TNS2: variants seen among roughly 807,000 people sequenced by gnomAD.
TNS2 encodes the protein tensin 2, also known as tensin-2.
In TNS2, 77 loss-of-function variants were observed where a neutral mutation model predicts 155.7. The ratio of observed to expected loss-of-function variants is 0.49; its 90% confidence interval spans 0.41 to 0.60. The LOEUF is 0.60. Ranked by LOEUF, TNS2 falls within the 20% of genes least tolerant of loss-of-function variation. The pLI is 0.00. For missense variants in TNS2, 1,703 were observed against 1,868.8 expected (o/e 0.91, Z 1.64); for synonymous variants, 726 against 763.9 (o/e 0.95, Z 0.82).
chr12:53,058,632 T>A lies in TNS2; in HGVS notation c.1286T>A (p.Ile429Asn). Residue 429 changes from isoleucine (I) to asparagine (N), a missense_variant, in exon 16 of 29, where the codon ATC becomes AAC. Ile to Asn is a moderately radical substitution (Grantham distance 149). Coordinates refer to ENST00000314250, the MANE Select transcript of TNS2 (RefSeq NM_170754.4). ...EFVFSSSPEK[I>N]KGSTPRNDPS... ...GTCTTCTCCTCCAGCCCCGAGAAGA[T>A]CAAAGGTAAGAGCAGGGACATGGGC... 2 of 1,613,742 alleles carry A rather than the reference T, an allele frequency of 1.2e-6. No individual in the cohort carries two copies. The highest frequency in any genetic ancestry group is 1.6e-4 in the Middle Eastern group (1 of 6,062).
chr12:53,063,940 G>GC lies in TNS2; in HGVS notation c.*61dup. 1 of 1,587,812 alleles carries GC rather than the reference G, an allele frequency of 6.3e-7. No individual in the cohort carries two copies. Among genetic ancestry groups the GC allele is most frequent in the Non-Finnish European group, 8.6e-7 (1 of 1,163,846 alleles). On this transcript the variant is annotated 3_prime_UTR_variant, in exon 29 of 29. Coordinates refer to ENST00000314250, the MANE Select transcript of TNS2 (RefSeq NM_170754.4). The surrounding 1 kb of genome is among the most constrained non-coding windows in gnomAD (Gnocchi z 5.6). ...ACTGCCCCCCTCCCAGCACCCCACAGCCCTCACATCCCCTGGCCTGGACCC... is the reference window on the plus strand; with the variant it reads ...ACTGCCCCCCTCCCAGCACCCCACAGCCCCTCACATCCCCTGGCCTGGACCC...
At position 53,050,265 on chromosome 12, in the gene TNS2, G is replaced by A. The variant is rs563184437; in HGVS notation, c.75+5G>A. The A allele has an allele frequency of 6.2e-7, 1 of 1,602,840 alleles. No individual in the cohort carries two copies. The highest frequency in any genetic ancestry group is 1.1e-5 in the South Asian group (1 of 89,368). ...AGCAGCCGGGCCGCAAGCAGGGTAG[G>A]AGTGCCCACCAGCTGGGCAAAAGAG... On this transcript the variant is annotated splice_donor_5th_base_variant and intron_variant, in intron 1 of 28. Transcript: ENST00000314250. The surrounding 1 kb of genome is among the most constrained non-coding windows in gnomAD (Gnocchi z 4.7).
chr12:53,061,480 A>G lies in TNS2; in HGVS notation c.3448+11A>G, dbSNP rs1944383701. ...TGTCCCGTGACCAAGGTGAGAAGCC[A>G]GCCTGCCCCCACCCCACTGCATCCC... On this transcript the variant is annotated intron_variant, in intron 21 of 28. Transcript: ENST00000314250. 1 of 1,613,866 alleles carries G rather than the reference A, an allele frequency of 6.2e-7. No individual in the cohort carries two copies. Among genetic ancestry groups the G allele is most frequent in the Non-Finnish European group, 8.5e-7 (1 of 1,179,816 alleles).
At position 53,058,105 on chromosome 12, in the gene TNS2, G is replaced by A. The variant is rs532518448; in HGVS notation, c.1095+3G>A. 11 of 1,614,180 alleles carry A rather than the reference G, an allele frequency of 6.8e-6. No homozygotes were observed. The African/African-American group carries it at 1.2e-4, about 18-fold the overall frequency. On this transcript the variant is annotated splice_donor_region_variant and intron_variant, in intron 14 of 28. Transcript: ENST00000314250. The stretch of plus-strand genomic sequence containing the variant: ...TCCTCCTCAAAGGCGATGTCATGGT[G>A]AGGGGGGTCCTGTCAACAAGAAGAA...
upstream of TNS2, chr12:53,049,275 CG>C (rs770166019): frequency 6.3e-6 from 10 of 1,589,594 alleles, no homozygotes; most frequent in Admixed American, 6.9e-5. Flanking sequence ...GGGGTTGCCG[CG>C]GGGGGAGGGT....
chr12:53,062,972 C>T (rs926798753), intron 25 of TNS2, 117 bp from the exon 26 acceptor site: 5 of 1,366,728 alleles, frequency 3.7e-6, no homozygotes, highest in Non-Finnish European at 4.9e-6. Context: ...GCCTTTTTAA[C>T]AAGTCACCTA....
In TNS2 at chr12:53,061,098, C is replaced by A. The variant is rs775128045; in HGVS notation, c.3192C>A (p.Asp1064Glu). 1.2e-6 allele frequency: 2 copies of A among 1,611,240 alleles called. No homozygotes were observed. Among genetic ancestry groups the A allele is most frequent in the African/African-American group, 2.7e-5 (2 of 74,884 alleles). ...TPAFPLAASY[D>E]TNGLSQPPLP... ...CTTTCCCCCTGGCTGCCTCCTATGA[C>A]ACCAATGGCCTTAGCCAGCCCCCAC... The change falls in exon 20 of 29, where the codon GAC (aspartate) becomes GAA (glutamate). Residue 1064 changes from aspartate to glutamate, a missense_variant. Coordinates refer to ENST00000314250, the MANE Select transcript of TNS2 (RefSeq NM_170754.4).
rs2121134554 is a variant in TNS2 at position 53,058,779 on chromosome 12, T to C, written c.1357T>C (p.Trp453Arg). Residue 453 changes from tryptophan to arginine, a missense_variant, in exon 17 of 29, where the codon TGG (tryptophan) becomes CGG (arginine). Transcript: ENST00000314250. ...CAACACCACTGAGCCAGCCGTGCGC[T>C]GGGACTCCTATGAGAACTTCAACCA... Reference protein sequence around the residue: ...DYNTTEPAVRWDSYENFNQHH... With the variant: ...DYNTTEPAVRRDSYENFNQHH... The C allele has an allele frequency of 1.2e-6, 2 of 1,613,906 alleles. No homozygotes were observed. The highest frequency in any genetic ancestry group is 4.5e-5 in the East Asian group (2 of 44,858).
At position 53,052,435 on chromosome 12, in the gene TNS2, C is replaced by G. The variant is rs1943970147; in HGVS notation, c.185-20C>G. The G allele has an allele frequency of 6.2e-7, 1 of 1,614,014 alleles. No homozygotes were observed. Among genetic ancestry groups the G allele is most frequent in the African/African-American group, 1.3e-5 (1 of 75,048 alleles). On this transcript the variant is annotated intron_variant, in intron 2 of 28. Transcript: ENST00000314250. ...CCCACAGGCCCCTGCTAACCCCTCT[C>G]CTCCCCTTACCTTCCCTAGTCTGCA...
intron 1 of TNS2, 92 bp from the exon 2 acceptor site, chr12:53,051,763 A>T: frequency 1.0e-6 from 1 of 953,228 alleles, no homozygotes; most frequent in Non-Finnish European, 1.6e-6. Context: ...GGAGAAAACC[A>T]GTGCAGTGCT....
rs763021931 is a variant in TNS2 at position 53,058,831 on chromosome 12, C to A, written c.1405+4C>A. ...CACCACGAGGACAGTGTGGATGGTG[C>A]GCAGGCAGCCTGCAGGGTGGGAGGT... On this transcript the variant is annotated splice_donor_region_variant and intron_variant, in intron 17 of 28. Transcript: ENST00000314250. 1.9e-6 allele frequency: 3 copies of A among 1,612,484 alleles called. No individual in the cohort carries two copies. The highest frequency in any genetic ancestry group is 2.5e-6 in the Non-Finnish European group (3 of 1,179,672).
chr12:53,062,906 C>T, intron 25 of TNS2, 183 bp from the exon 26 acceptor site: 1 of 945,342 alleles, frequency 1.1e-6, no homozygotes, highest in East Asian at 2.7e-5. Flanking sequence ...GGGGTGGTAG[C>T]AGGGAGGCTT....
In TNS2 at chr12:53,057,933, T is replaced by C. The variant is rs371016486; in HGVS notation, c.1020-94T>C. Reference sequence around the variant, plus strand: ...GCCTCCCTAGACACCTGGGCAGGGCTCAGACTCTGGTCTCCTGGCTCCCCC... The same window carrying C: ...GCCTCCCTAGACACCTGGGCAGGGCCCAGACTCTGGTCTCCTGGCTCCCCC... On this transcript the variant is annotated intron_variant, in intron 13 of 28. Coordinates refer to ENST00000314250, the MANE Select transcript of TNS2 (RefSeq NM_170754.4). 6.3e-5 allele frequency: 101 copies of C among 1,607,242 alleles called. No individual in the cohort carries two copies. In the African/African-American group the frequency reaches 1.2e-3, roughly 19 times the overall value.
chr12:53,061,250 T>G lies in TNS2; in HGVS notation c.3344T>G (p.Val1115Gly). The G allele has an allele frequency of 6.4e-7, 1 of 1,568,270 alleles. No individual in the cohort carries two copies. The highest frequency in any genetic ancestry group is 8.6e-7 in the Non-Finnish European group (1 of 1,157,366). ...TTCGCACCTCTGCTCTCAGATAATG[T>G]CCCCCAAACCCCAGGTATAAAGGCC... ...VTFAPLLSDN[V>G]PQTPEPPTQE... Residue 1115 changes from valine to glycine, a missense_variant, in exon 20 of 29, where the codon GTC becomes GGC. By Grantham distance (109) the Val-to-Gly change is moderately radical. Transcript: ENST00000314250.
Position 53,053,784 on chromosome 12 carries a change from CGGCCCCAGTCA to C in TNS2, c.276_286del (p.Pro93HisfsTer55). On this transcript the variant is annotated frameshift_variant, in exon 5 of 29. Coordinates refer to ENST00000314250, the MANE Select transcript of TNS2 (RefSeq NM_170754.4). LOFTEE classifies it high-confidence loss of function. ...CCCATCTCCCTCTAGCGGCGAAACA[CGGCCCCAGTCA>C]GGCGCATAGAGCACCTGGTAAGGTG... The C allele has an allele frequency of 6.2e-7, 1 of 1,611,160 alleles. No individual in the cohort carries two copies. The highest frequency in any genetic ancestry group is 8.5e-7 in the Non-Finnish European group (1 of 1,179,070).
At position 53,064,264 on chromosome 12, in the gene TNS2, G is replaced by T. The variant is rs1438942517; in HGVS notation, c.*382G>T. 2 of 220,054 alleles carry T rather than the reference G, an allele frequency of 9.1e-6. No individual in the cohort carries two copies. Among genetic ancestry groups the T allele is most frequent in the Non-Finnish European group, 1.8e-5 (2 of 111,374 alleles). 13.6% of individuals were successfully genotyped at this position (220,054 alleles called of 1,614,324 possible). On this transcript the variant is annotated 3_prime_UTR_variant, in exon 29 of 29. Transcript: ENST00000314250. ...CACGGCAGGGATGGGAGAGGGGTGGGGAGCGAGTCACTGCCTCCTCTGAGC... is the reference window on the plus strand; with the variant it reads ...CACGGCAGGGATGGGAGAGGGGTGGTGAGCGAGTCACTGCCTCCTCTGAGC...
In TNS2 at chr12:53,059,520, G is replaced by A. The variant is rs1258886613; in HGVS notation, c.1879G>A (p.Glu627Lys). ...ERRRLAYGGY[E>K]GSPQGYAEAS... ...GAGGCGACTGGCCTACGGGGGCTAT[G>A]AGGGATCCCCCCAGGGCTACGCCGA... Residue 627 changes from glutamate (E) to lysine (K), a missense_variant, in exon 18 of 29, where the codon GAG (glutamate) becomes AAG (lysine). Coordinates refer to ENST00000314250, the MANE Select transcript of TNS2 (RefSeq NM_170754.4). The surrounding 1 kb of genome is among the most constrained non-coding windows in gnomAD (Gnocchi z 4.7). 4.4e-6 allele frequency: 7 copies of A among 1,583,084 alleles called. No individual in the cohort carries two copies. Among genetic ancestry groups the A allele is most frequent in the Non-Finnish European group, 6.0e-6 (7 of 1,167,220 alleles).
intron 8 of TNS2, 55 bp downstream of exon 8, chr12:53,055,291 G>A: frequency 6.3e-7 from 1 of 1,576,670 alleles, no homozygotes; most frequent in Non-Finnish European, 8.7e-7. Context: ...AACCCCAGAA[G>A]CCCCCAGCTT....
chr12:53,049,333 T>C (rs1592238360), upstream of TNS2: 2 of 1,137,536 alleles, frequency 1.8e-6, no homozygotes, highest in African/African-American at 1.6e-5. Context: ...GAAAGAGGGC[T>C]AGGGATCTGT....
Sources: gnomAD v4.1 joint callset for allele counts on GRCh38, gnomAD v4.1.1 for gene constraint, Gnocchi (gnomAD v3.1) non-coding constraint, MANE v1.5 for transcripts, NCBI Gene and HGNC (gene_info 2026-07-23, HGNC 2026-07-21) for gene names.